The following NPIPB2 variants were observed in gnomAD, a reference collection of about 807,000 sequenced individuals.
The protein encoded by NPIPB2 is nuclear pore complex-interacting protein family member B2.
NPIPB2 carries 27 observed loss-of-function variants against 30.8 expected under a neutral mutation model. The ratio of observed to expected loss-of-function variants is 0.88; its 90% confidence interval spans 0.65 to 1.21. The LOEUF (loss-of-function observed/expected upper bound fraction) is 1.21. NPIPB2 is among the 50% of genes most tolerant of loss of function. The pLI is 0.00. For synonymous variants in NPIPB2, 147 were observed against 162.0 expected (o/e 0.91, Z 0.70); for missense variants, 440 against 446.2 (o/e 0.99, Z 0.13).
At chr16:11,967,273 A>G (rs746542686) in intron 1 of NPIPB2, 5 of 325,682 alleles carry the variant, frequency 1.5e-5, no homozygotes, top group Non-Finnish European at 2.3e-5. Context: ...AAGTGCTGGG[A>G]TTACAGGCGT....
intron 2 of NPIPB2, among the ~76,000 whole-genome samples, chr16:11,934,513 A>G (rs1289653477): frequency 7.0e-6 from 1 of 143,676 alleles, no homozygotes; most frequent in African/African-American, 2.6e-5. Context: ...AGATTGTGCC[A>G]TTGCACTCCA....
At chr16:11,930,348 TTTCTATTTCTGCATTTAC>T (rs2054774745) in intron 5 of NPIPB2, 84 bp downstream of exon 5, 1 of 1,087,312 alleles carries the variant, frequency 9.2e-7, no homozygotes, top group Non-Finnish European at 1.3e-6. Context: ...TGACCATTTG[TTTCTATTTCTGCATTTAC>T]TGGGTCTAAA....
chr16:11,972,081 G>A (rs150386879), intron 1 of NPIPB2, among the ~76,000 whole-genome samples: 3 of 152,056 alleles, frequency 2.0e-5, no homozygotes, highest in Non-Finnish European at 4.4e-5. Flanking sequence ...GGGAGACAGA[G>A]GTTGCAGTGA....
intron 1 of NPIPB2, chr16:11,966,319 A>G (rs2055193584): frequency 1.2e-6 from 2 of 1,612,778 alleles, no homozygotes; most frequent in Non-Finnish European, 1.7e-6. Context: ...CTGAACCATT[A>G]AAGGACGAGT....
At chr16:11,951,475 AAAG>A (rs2055061912) in intron 1 of NPIPB2, among the ~76,000 whole-genome samples, 1 of 148,440 alleles carries the variant, frequency 6.7e-6, no homozygotes, top group South Asian at 2.2e-4. Context: ...AAAAAAAAAA[AAAG>A]AAAGAAAAGA....
chr16:11,934,532 A>G (rs991929897), intron 2 of NPIPB2, among the ~76,000 whole-genome samples: 2 of 140,830 alleles, frequency 1.4e-5, no homozygotes, highest in African/African-American at 2.7e-5. Flanking sequence ...CAACCTGGGC[A>G]ACAAAATTGA....
chr16:11,967,956 T>G, intron 1 of NPIPB2: 1 of 1,274,682 alleles, frequency 7.8e-7, no homozygotes, highest in Non-Finnish European at 1.1e-6. Context: ...ATACAGCTTT[T>G]TGTCCTCTAA....
At chr16:11,939,369 A>C (rs1017570268) in intron 1 of NPIPB2, among the ~76,000 whole-genome samples, 4 of 151,718 alleles carry the variant, frequency 2.6e-5, no homozygotes, top group Non-Finnish European at 5.9e-5. Context: ...AGACCATCCT[A>C]GCTAACACGG....
intron 1 of NPIPB2, among the ~76,000 whole-genome samples, chr16:11,976,383 C>A (rs565138464): frequency 1.8e-4 from 27 of 152,322 alleles, no homozygotes; most frequent in African/African-American, 6.5e-4. Context: ...TTAGAGAGGC[C>A]CTCCGGGATT....
exon 3 of NPIPB2, chr16:11,933,840 G>A (rs766197037): frequency 8.1e-5 from 128 of 1,583,910 alleles, no homozygotes; most frequent in Non-Finnish European, 9.4e-5. Context: ...TGTCTACGGC[G>A]GTTGGACCTC....
intron 1 of NPIPB2, among the ~76,000 whole-genome samples, chr16:11,950,403 C>T (rs2055051551): frequency 6.6e-6 from 1 of 152,074 alleles, no homozygotes; most frequent in African/African-American, 2.4e-5. Context: ...CTCATGGGCT[C>T]AAGCAATCCT....
chr16:11,927,453 CGG>C lies in NPIPB2; in HGVS notation c.1112_1113del (p.Ala371GlyfsTer2), dbSNP rs2054736571. ...TCGGGTGATGATGGTTCCACCTCAG[CGG>C]CCCTCCGCCTCTTGGGTTCGGGTGG... On this transcript the variant is annotated frameshift_variant, in exon 8 of 8. Transcript: ENST00000399147. LOFTEE classifies it high-confidence loss of function. The C allele has an allele frequency of 9.1e-7, 1 of 1,102,810 alleles. No individual in the cohort carries two copies. Among genetic ancestry groups the C allele is most frequent in the East Asian group, 3.6e-5 (1 of 27,804 alleles). 68.3% of individuals were successfully genotyped at this position (1,102,810 alleles called of 1,614,324 possible). A position where few individuals can be genotyped will look rare whatever the true frequency, so the allele number is the denominator to read the frequency against.
At chr16:11,963,380 C>CAAA (rs35810741) in intron 1 of NPIPB2, among the ~76,000 whole-genome samples, 1 of 62,604 alleles carries the variant, frequency 1.6e-5, no homozygotes, top group African/African-American at 5.1e-5. Context: ...AACTCCAGCT[C>CAAA]AAAAAAAAAA....
At chr16:11,971,730 A>G (rs1596509718) in intron 1 of NPIPB2, among the ~76,000 whole-genome samples, 3 of 151,982 alleles carry the variant, frequency 2.0e-5, no homozygotes, top group East Asian at 3.9e-4. Flanking sequence ...CCTCACCTCA[A>G]GTGATCTGCT....
chr16:11,963,145 C>G (rs2055166443), intron 1 of NPIPB2, among the ~76,000 whole-genome samples: 1 of 152,144 alleles, frequency 6.6e-6, no homozygotes, highest in Non-Finnish European at 1.5e-5. Flanking sequence ...TTTGAGAGGC[C>G]AAGGCCGGTG....
chr16:11,942,682 G>T (rs988160277), upstream of NPIPB2, among the ~76,000 whole-genome samples: 1 of 151,680 alleles, frequency 6.6e-6, no homozygotes, highest in African/African-American at 2.4e-5. Context: ...TAAGGTATTT[G>T]CCCACAATAC....
At chr16:11,965,263 G>A in intron 1 of NPIPB2, 1 of 1,598,140 alleles carries the variant, frequency 6.3e-7, no homozygotes, top group Non-Finnish European at 8.5e-7. Flanking sequence ...AATTCTTGTA[G>A]AGATATTACT....
At chr16:11,974,887 C>T (rs2055260115) in intron 1 of NPIPB2, among the ~76,000 whole-genome samples, 1 of 151,852 alleles carries the variant, frequency 6.6e-6, no homozygotes. Context: ...TCCTGGCTAA[C>T]ACGTTGAAAC....
chr16:11,964,031 C>CAAAA (rs756796881), intron 1 of NPIPB2: 1 of 91,066 alleles, frequency 1.1e-5, no homozygotes. Context: ...GAGACTCTGT[C>CAAAA]AAAAAAAAAA....
Sources: gnomAD v4.1 joint callset for allele counts (sites outside exome capture counted in the v4.1 genomes callset) on GRCh38, gnomAD v4.1.1 for gene constraint, MANE v1.5 for transcripts, NCBI Gene and HGNC (gene_info 2026-07-23, HGNC 2026-07-21) for gene names.